The following PCLO variants were observed in gnomAD, a reference collection of about 807,000 sequenced individuals.
PCLO encodes the protein piccolo presynaptic cytomatrix protein.
PCLO carries 82 observed loss-of-function variants against 427.5 expected under a neutral mutation model. The ratio of observed to expected loss-of-function variants is 0.19; its 90% CI spans 0.16 to 0.23. The LOEUF is 0.23. Ranked by LOEUF, PCLO falls within the 10% of genes least tolerant of loss-of-function variation. The probability of loss-of-function intolerance (pLI) is 1.00; values close to 1 mark genes in which losing one functional copy is unlikely to be tolerated. For synonymous variants in PCLO, 2,357 were observed against 2,155.4 expected (o/e 1.09, Z -2.59); for missense variants, 6,239 against 6,115.9 (o/e 1.02, Z -0.67).
intron 2 of PCLO, among the ~76,000 whole-genome samples, chr7:83,151,253 G>C (rs541672685): frequency 5.3e-5 from 8 of 152,142 alleles, no homozygotes; most frequent in Non-Finnish European, 1.2e-4. Context: ...ACTGTTGATC[G>C]AATGTCTTTA....
intron 3 of PCLO, among the ~76,000 whole-genome samples, chr7:83,070,270 G>A (rs1421590613): frequency 6.6e-6 from 1 of 152,104 alleles, no homozygotes; most frequent in Non-Finnish European, 1.5e-5. Context: ...CTACAGCCAA[G>A]ACCAACAGCT....
intron 20 of PCLO, chr7:82,821,177 T>A (rs1394257395): frequency 1.0e-6 from 1 of 998,796 alleles, no homozygotes; most frequent in Admixed American, 6.0e-5. Flanking sequence ...TTGGTCTTGG[T>A]TGCCATTGGC....
rs547142309 is a variant in PCLO, at chr7:83,124,729, G to A, written c.3300+9521C>T. Among the ~76,000 whole-genome samples the A allele has an allele frequency of 1.1e-4, 16 of 152,118 alleles. 1 individual carries two copies. In the South Asian group the frequency reaches 1.5e-3, roughly 14 times the overall value. On this transcript the variant is annotated intron_variant, in intron 3 of 24. Coordinates refer to ENST00000333891, the MANE Select transcript of PCLO (RefSeq NM_033026.6). The stretch of plus-strand genomic sequence containing the variant: ...TATGCTCTCCCTCTCCCTCTCCGTC[G>A]TCTCCATCTCCCGCTTTCCACGGTC...
chr7:83,037,214 T>C lies in PCLO; in HGVS notation c.3301-70727A>G, dbSNP rs534146209. Among the ~76,000 whole-genome samples, 428 of 152,228 alleles carry C rather than the reference T, an allele frequency of 2.8e-3. 1 individual carries two copies. The highest frequency in any genetic ancestry group is 4.5e-3 in the Non-Finnish European group (309 of 67,970). ...CTACTTTATGTCTAATGCACCAATA[T>C]TGACAGAGGTCTGGCTTGCAAAAAT... On this transcript the variant is annotated intron_variant, in intron 3 of 24. Coordinates refer to ENST00000333891, the MANE Select transcript of PCLO (RefSeq NM_033026.6).
intron 3 of PCLO, among the ~76,000 whole-genome samples, chr7:83,079,866 CCCT>C (rs200646084): frequency 0.013 from 1,913 of 151,922 alleles, 45 homozygotes; most frequent in African/African-American, 0.043. Flanking sequence ...CTAATGCTCT[CCCT>C]CCTCCTAACT....
chr7:83,082,477 A>C (rs1380491036), intron 3 of PCLO, among the ~76,000 whole-genome samples: 1 of 151,754 alleles, frequency 6.6e-6, no homozygotes, highest in African/African-American at 2.4e-5. Context: ...GAGTAGAATT[A>C]TGGTTACACG....
At chr7:82,775,096 T>C (rs1790722306) in intron 22 of PCLO, among the ~76,000 whole-genome samples, 1 of 152,222 alleles carries the variant, frequency 6.6e-6, no homozygotes, top group African/African-American at 2.4e-5. Context: ...CAATATTCCA[T>C]TGTCTGAACA....
chr7:82,988,679 G>T (rs1182120402), intron 3 of PCLO, among the ~76,000 whole-genome samples: 1 of 151,900 alleles, frequency 6.6e-6, no homozygotes, highest in Non-Finnish European at 1.5e-5. Flanking sequence ...TACATGTAAG[G>T]TATTTCCTGT....
At chr7:83,148,818 C>T (rs748738017) in intron 2 of PCLO, among the ~76,000 whole-genome samples, 1 of 152,126 alleles carries the variant, frequency 6.6e-6, no homozygotes, top group Admixed American at 6.6e-5. Flanking sequence ...TCTTAATCCA[C>T]TCATAGGTAA....
chr7:82,857,645 G>A (rs762507992), intron 10 of PCLO, among the ~76,000 whole-genome samples: 6 of 151,962 alleles, frequency 3.9e-5, no homozygotes, highest in African/African-American at 1.4e-4. Context: ...ATACCCAGAA[G>A]TTTGCATAGA....
Position 82,877,298 on chromosome 7 carries a change from A to G in PCLO, c.13654+2039T>C, listed in dbSNP as rs532184788. Reference sequence around the variant, plus strand: ...TCATGGTGTTAATCCAAAAAAGTACACGGTATTTTATTTATAAATTATTCA... The same window carrying G: ...TCATGGTGTTAATCCAAAAAAGTACGCGGTATTTTATTTATAAATTATTCA... On this transcript the variant is annotated intron_variant, in intron 10 of 24. Transcript: ENST00000333891. Among the ~76,000 whole-genome samples, 7 of 152,250 alleles carry G rather than the reference A, an allele frequency of 4.6e-5. No homozygotes were observed. The East Asian group carries it at 1.4e-3, about 29-fold the overall frequency.
intron 3 of PCLO, among the ~76,000 whole-genome samples, chr7:83,097,363 A>G (rs946350003): frequency 3.4e-5 from 5 of 145,322 alleles, no homozygotes; most frequent in Non-Finnish European, 6.0e-5. Context: ...TCCACTACAA[A>G]TACAAAAAAT....
chr7:82,890,494 C>G (rs1182829505), intron 9 of PCLO, among the ~76,000 whole-genome samples: 3 of 151,658 alleles, frequency 2.0e-5, no homozygotes, highest in Non-Finnish European at 4.4e-5. Context: ...TACATATCTT[C>G]TTTTTTATAG....
At chr7:82,870,081 C>CA (rs1793194006) in intron 10 of PCLO, among the ~76,000 whole-genome samples, 1 of 151,610 alleles carries the variant, frequency 6.6e-6, no homozygotes, top group Non-Finnish European at 1.5e-5. Flanking sequence ...CACAGAAATA[C>CA]AAAAAAATTT....
chr7:83,122,286 C>CTTTTTTTTTT (rs71074624), intron 3 of PCLO, among the ~76,000 whole-genome samples: 95 of 128,216 alleles, frequency 7.4e-4, no homozygotes, highest in Middle Eastern at 3.9e-3. Flanking sequence ...CTTTTCTTTT[C>CTTTTTTTTTT]TTTTTTTTTT....
At chr7:83,136,154 G>A (rs1385741714) in intron 2 of PCLO, among the ~76,000 whole-genome samples, 1 of 151,730 alleles carries the variant, frequency 6.6e-6, no homozygotes, top group Non-Finnish European at 1.5e-5. Flanking sequence ...CCTATATTAA[G>A]GAATATATAA....
At chr7:82,771,045 G>T (rs62466891) in intron 22 of PCLO, among the ~76,000 whole-genome samples, 1 of 151,782 alleles carries the variant, frequency 6.6e-6, no homozygotes, top group African/African-American at 2.4e-5. Context: ...CCTAGTTACC[G>T]TGTGTTTGAA....
Position 82,953,794 on chromosome 7 carries a change from G to A in PCLO, c.7159C>T (p.Pro2387Ser). The A allele has an allele frequency of 6.3e-7, 1 of 1,597,712 alleles. No homozygotes were observed. The highest frequency in any genetic ancestry group is 8.5e-7 in the Non-Finnish European group (1 of 1,171,266). The change falls in exon 5 of 25, where the codon CCA (proline) becomes TCA (serine). Residue 2387 changes from proline to serine, a missense_variant. Around this residue, in one of 5 missense-constraint regions of PCLO, gnomAD observed 4,677 missense variants for 4,468.4 expected, o/e 1.05. Transcript: ENST00000333891. Reference protein sequence around the residue: ...PSGSPSVSSLPAKPRPFFRSS... With the variant: ...PSGSPSVSSLSAKPRPFFRSS... ...CTAAAGAATGGGCGAGGTTTAGCTG[G>A]AAGAGAGGAAACAGAAGGACTGCCA... is the stretch of plus-strand genomic sequence containing the variant.
chr7:83,000,294 AGAGAG>A (rs543810661), intron 3 of PCLO, among the ~76,000 whole-genome samples: 1,993 of 29,214 alleles, frequency 0.068, 44 homozygotes, highest in East Asian at 0.32. Context: ...AGAGAGAGAG[AGAGAG>A]AGAGAGAAAA....
Sources: gnomAD v4.1 joint callset for allele counts (sites outside exome capture counted in the v4.1 genomes callset) on GRCh38, gnomAD v4.1.1 for gene constraint, gnomAD v4.1.1 regional missense constraint, MANE v1.5 for transcripts, NCBI Gene and HGNC (gene_info 2026-07-23, HGNC 2026-07-21) for gene names.